The following NCOR1 variants were observed in gnomAD, a reference collection of about 807,000 sequenced individuals.
NCOR1 encodes the protein protein phosphatase 1, regulatory subunit 109.
NCOR1 carries 63 observed loss-of-function variants against 288.1 expected under a neutral mutation model. The observed-to-expected ratio is 0.22, with a 90% CI of 0.18 to 0.27. The LOEUF (loss-of-function observed/expected upper bound fraction) is 0.27, where lower values mean the gene tolerates loss of function less well. Among genes scored for constraint, NCOR1 ranks in the 10% least tolerant of loss-of-function variants. The pLI is 1.00. For synonymous variants in NCOR1, 1,007 were observed against 1,065.9 expected (o/e 0.94, Z 1.08); for missense variants, 2,397 against 3,019.2 (o/e 0.79, Z 4.83).
chr17:16,205,488 G>A (rs896699809), intron 1 of NCOR1, among the ~76,000 whole-genome samples: 5 of 151,874 alleles, frequency 3.3e-5, no homozygotes, highest in Non-Finnish European at 1.5e-5. Context: ...AGGCGTGGTG[G>A]CAGACGCCTG....
At chr17:16,185,802 C>T (rs2086563560) in intron 3 of NCOR1, among the ~76,000 whole-genome samples, 1 of 147,940 alleles carries the variant, frequency 6.8e-6, no homozygotes, top group African/African-American at 2.5e-5. Flanking sequence ...CCTATCTCTA[C>T]AAAAAATACA....
intron 18 of NCOR1, among the ~76,000 whole-genome samples, chr17:16,113,507 A>C (rs1218645412): frequency 6.6e-6 from 1 of 152,192 alleles, no homozygotes; most frequent in Non-Finnish European, 1.5e-5. Context: ...ATTTTTTGAT[A>C]CTGTACCAAA....
Position 16,137,403 on chromosome 17 carries a change from C to T in NCOR1, c.1417G>A (p.Asp473Asn), listed in dbSNP as rs760228822. 6.6e-7 allele frequency: 1 copy of T among 1,520,392 alleles called. No homozygotes were observed. The allele number at this position is 1,520,392 out of a possible 1,614,324, so 94.2% of individuals were successfully genotyped here. A position where few individuals can be genotyped will look rare whatever the true frequency, so the allele number is the denominator to read the frequency against. Residue 473 changes from aspartate to asparagine, a missense_variant, in exon 14 of 46, where the codon GAT (aspartate) becomes AAT (asparagine). Coordinates refer to ENST00000268712, the MANE Select transcript of NCOR1 (RefSeq NM_006311.4). ...GTTAAATAGTAATACAAAACACAAT[C>T]AGGAACACTCTGTAAGAAATAAAAC... Reference protein sequence around the residue: ...ASYLERKSVPDCVLYYYLTKK... With the variant: ...ASYLERKSVPNCVLYYYLTKK...
At position 16,082,009 on chromosome 17, in the gene NCOR1, AC is replaced by A. The variant is rs1334282014; in HGVS notation, c.3178-1283del. On this transcript the variant is annotated intron_variant, in intron 23 of 45. Coordinates refer to ENST00000268712, the MANE Select transcript of NCOR1 (RefSeq NM_006311.4). ...GTTAAGTGCCCAACACATAAAGAGC[AC>A]CCCTCAGCAAAGGCTGATTTTACTG... 4.6e-5 allele frequency among the ~76,000 whole-genome samples: 7 copies of A among 152,218 alleles called. No individual in the cohort carries two copies. In the South Asian group the frequency reaches 1.4e-3, roughly 32 times the overall value.
At chr17:16,197,154 T>C (rs994833674) in intron 1 of NCOR1, among the ~76,000 whole-genome samples, 3 of 151,916 alleles carry the variant, frequency 2.0e-5, no homozygotes, top group Non-Finnish European at 2.9e-5. Flanking sequence ...ACCTGGTCTC[T>C]ACTAAAGATA....
chr17:16,193,047 C>A (rs549868489), intron 2 of NCOR1, among the ~76,000 whole-genome samples: 3 of 152,024 alleles, frequency 2.0e-5, no homozygotes, highest in Non-Finnish European at 4.4e-5. Flanking sequence ...AGGACTGACA[C>A]GGGTGGGTGC....
chr17:16,104,610 A>G lies in NCOR1; in HGVS notation c.2183-2853T>C, dbSNP rs150857010. On this transcript the variant is annotated intron_variant, in intron 19 of 45. Coordinates refer to ENST00000268712, the MANE Select transcript of NCOR1 (RefSeq NM_006311.4). The stretch of plus-strand genomic sequence containing the variant: ...ACATAGTAAGACCTCATCTCTACAA[A>G]AAAATTAAAAAATTAGCTAGTCATG... Among the ~76,000 whole-genome samples, 6 of 152,310 alleles carry G rather than the reference A, an allele frequency of 3.9e-5. No homozygotes were observed. The East Asian group carries it at 1.2e-3, about 29-fold the overall frequency.
intron 14 of NCOR1, among the ~76,000 whole-genome samples, chr17:16,127,607 A>G (rs1425962937): frequency 6.9e-6 from 1 of 145,770 alleles, no homozygotes; most frequent in African/African-American, 2.5e-5. Flanking sequence ...GTATACATAC[A>G]TATGTGTATG....
intron 5 of NCOR1, among the ~76,000 whole-genome samples, chr17:16,161,820 T>C (rs1237032539): frequency 6.6e-6 from 1 of 152,176 alleles, no homozygotes; most frequent in African/African-American, 2.4e-5. Context: ...ATAATAATCA[T>C]ACATTATATT....
chr17:16,207,598 A>T (rs915988300), intron 1 of NCOR1, among the ~76,000 whole-genome samples: 7 of 151,878 alleles, frequency 4.6e-5, no homozygotes, highest in Non-Finnish European at 1.0e-4. Flanking sequence ...AAAATTAGCC[A>T]GGCGTGGTGG....
chr17:16,126,279 GTCTA>G (rs1809590258), intron 14 of NCOR1, 73 bp from the exon 15 acceptor site: 6 of 1,388,154 alleles, frequency 4.3e-6, no homozygotes, highest in Non-Finnish European at 5.7e-6. Context: ...GATAAATTAT[GTCTA>G]TCTAAAAAAA....
chr17:16,056,788 A>T (rs891696698), intron 40 of NCOR1, among the ~76,000 whole-genome samples: 1 of 152,104 alleles, frequency 6.6e-6, no homozygotes, highest in Non-Finnish European at 1.5e-5. Flanking sequence ...GGCATATAAC[A>T]TGTTTCCACT....
rs529059341 is a variant in NCOR1 at position 16,126,223 on chromosome 17, T to C, written c.1510-17A>G. The C allele has an allele frequency of 3.3e-6, 5 of 1,501,636 alleles. No homozygotes were observed. The African/African-American group carries it at 4.3e-5, about 13-fold the overall frequency. The allele number at this position is 1,501,636 out of a possible 1,614,324, so 93.0% of individuals were successfully genotyped here. ...AGCAATTTGCTGCTAGAATGAACCA[T>C]CATTTGTAAAATTCAAAGGCAAACA... On this transcript the variant is annotated splice_polypyrimidine_tract_variant and intron_variant, in intron 14 of 45. Transcript: ENST00000268712.
intron 17 of NCOR1, among the ~76,000 whole-genome samples, chr17:16,118,380 A>G (rs914180283): frequency 2.0e-5 from 3 of 152,218 alleles, no homozygotes; most frequent in African/African-American, 7.2e-5. Flanking sequence ...GACACAATAT[A>G]TCAAGCCAAT....
In NCOR1 at chr17:16,090,546, T is replaced by A. The variant is rs561621465; in HGVS notation, c.3016+1317A>T. 2.6e-5 allele frequency among the ~76,000 whole-genome samples: 4 copies of A among 152,282 alleles called. No individual in the cohort carries two copies. The South Asian group carries it at 8.3e-4, about 32-fold the overall frequency. On this transcript the variant is annotated intron_variant, in intron 22 of 45. Coordinates refer to ENST00000268712, the MANE Select transcript of NCOR1 (RefSeq NM_006311.4). ...ATTACTGAGTACATGTTGTGTCAAT[T>A]ACAGAACTAGCGATTAAGAATTCCC...
intron 18 of NCOR1, among the ~76,000 whole-genome samples, chr17:16,113,933 C>T (rs535825517): frequency 4.0e-5 from 6 of 151,812 alleles, no homozygotes; most frequent in South Asian, 2.1e-4. Flanking sequence ...ACCTATCTTA[C>T]GTTTGGTATA....
chr17:16,077,222 C>T (rs2062595335), intron 26 of NCOR1, among the ~76,000 whole-genome samples: 1 of 151,646 alleles, frequency 6.6e-6, no homozygotes, highest in African/African-American at 2.4e-5. Flanking sequence ...CATGGCGAAA[C>T]CCCATCTCTA....
chr17:16,092,152 T>G (rs759109176), intron 21 of NCOR1, 94 bp from the exon 22 acceptor site: 1 of 1,392,522 alleles, frequency 7.2e-7, no homozygotes, highest in Non-Finnish European at 9.9e-7. Context: ...TGTCATGTTA[T>G]TGGTTGAATT....
At chr17:16,182,186 T>C (rs1010266615) in intron 3 of NCOR1, among the ~76,000 whole-genome samples, 2 of 152,186 alleles carry the variant, frequency 1.3e-5, no homozygotes, top group Non-Finnish European at 2.9e-5. Flanking sequence ...AGTATTCACA[T>C]AGAAGCCTGC....
Sources: allele counts gnomAD v4.1 joint callset (sites outside exome capture counted in the v4.1 genomes callset), GRCh38; gene constraint gnomAD v4.1.1; transcripts MANE v1.5; gene names NCBI Gene and HGNC (gene_info 2026-07-23, HGNC 2026-07-21).